Variants in SPAG16 observed in about 807,000 individuals in gnomAD.
SPAG16 encodes the protein sperm-associated antigen 16 protein.
A neutral mutation model predicts 80.4 loss-of-function variants in SPAG16; 86 were observed. The observed-to-expected ratio is 1.07, with a 90% confidence interval of 0.90 to 1.28. SPAG16 has a LOEUF of 1.28. Among genes scored for constraint, SPAG16 ranks in the 50% most tolerant of loss-of-function variants. The probability of loss-of-function intolerance (pLI) is 0.00; values close to 1 mark genes in which losing one functional copy is unlikely to be tolerated. For synonymous variants in SPAG16, 294 were observed against 265.9 expected (o/e 1.11, Z -1.03); for missense variants, 870 against 765.3 (o/e 1.14, Z -1.61).
At chr2:213,632,204 G>T (rs2062183205) in intron 10 of SPAG16, among the ~76,000 whole-genome samples, 1 of 151,662 alleles carries the variant, frequency 6.6e-6, no homozygotes, top group South Asian at 2.1e-4. Context: ...TACTTCTTTG[G>T]TTATCCTAGG....
At chr2:213,875,153 G>A (rs1419818198) in intron 11 of SPAG16, among the ~76,000 whole-genome samples, 1 of 150,932 alleles carries the variant, frequency 6.6e-6, no homozygotes, top group Non-Finnish European at 1.5e-5. Flanking sequence ...TGCCCACGCT[G>A]GTCTCAAACT....
chr2:213,683,093 A>G (rs2064478377), intron 10 of SPAG16, among the ~76,000 whole-genome samples: 1 of 152,240 alleles, frequency 6.6e-6, no homozygotes, highest in South Asian at 2.1e-4. Context: ...GTATTGCAAA[A>G]GAACTCCCTT....
At chr2:214,405,530 T>G in intron 15 of SPAG16, among the ~76,000 whole-genome samples, 1 of 152,322 alleles carries the variant, frequency 6.6e-6, no homozygotes, top group South Asian at 2.1e-4. Context: ...GCACAGTGGC[T>G]CATGCCTGTA....
At chr2:213,907,368 G>A (rs1313966724) in intron 11 of SPAG16, among the ~76,000 whole-genome samples, 2 of 150,606 alleles carry the variant, frequency 1.3e-5, no homozygotes, top group Non-Finnish European at 3.0e-5. Flanking sequence ...TTATCAAAGA[G>A]AACAAAATAA....
chr2:213,741,397 A>T (rs984732571), intron 10 of SPAG16, among the ~76,000 whole-genome samples: 2 of 152,198 alleles, frequency 1.3e-5, no homozygotes, highest in Non-Finnish European at 2.9e-5. Flanking sequence ...AAGTCTGAGT[A>T]TGCTCCATTG....
At chr2:213,527,791 A>G (rs2075940345) in intron 10 of SPAG16, among the ~76,000 whole-genome samples, 1 of 152,208 alleles carries the variant, frequency 6.6e-6, no homozygotes, top group Admixed American at 6.5e-5. Flanking sequence ...ATATACAGAA[A>G]AACATGCAAC....
intron 1 of SPAG16, among the ~76,000 whole-genome samples, chr2:213,286,234 T>A (rs915790108): frequency 1.7e-4 from 26 of 152,338 alleles, no homozygotes; most frequent in African/African-American, 5.3e-4. Flanking sequence ...TTACTAACCG[T>A]TGTGTGAATT....
In SPAG16 at chr2:213,666,993, T is replaced by C. The variant is rs544770321; in HGVS notation, c.1070+176903T>C. 3.2e-4 allele frequency among the ~76,000 whole-genome samples: 48 copies of C among 152,324 alleles called. No individual in the cohort carries two copies. In the East Asian group the frequency reaches 8.1e-3, roughly 26 times the overall value. On this transcript the variant is annotated intron_variant, in intron 10 of 15. Coordinates refer to ENST00000331683, the MANE Select transcript of SPAG16 (RefSeq NM_024532.5). ...CATTTCTATGAAGTCCAGAAATGTATTGATACTCACTTCAAGATCTCTTGC... is the reference window on the plus strand; with the variant it reads ...CATTTCTATGAAGTCCAGAAATGTACTGATACTCACTTCAAGATCTCTTGC...
At chr2:213,525,344 A>G (rs1348985160) in intron 10 of SPAG16, among the ~76,000 whole-genome samples, 2 of 131,684 alleles carry the variant, frequency 1.5e-5, no homozygotes, top group Non-Finnish European at 3.1e-5. Flanking sequence ...GCTGGAGTGC[A>G]GTGGCGCGAT....
chr2:213,363,954 T>C, intron 7 of SPAG16, 122 bp from the exon 8 acceptor site: 1 of 352,304 alleles, frequency 2.8e-6, no homozygotes, highest in Non-Finnish European at 5.1e-6. Context: ...AAAAAAGGTA[T>C]AAATTTAAAA....
intron 9 of SPAG16, among the ~76,000 whole-genome samples, chr2:213,418,558 T>C (rs1246308719): frequency 6.6e-6 from 1 of 152,256 alleles, no homozygotes; most frequent in Non-Finnish European, 1.5e-5. Context: ...TTTTCTCTAC[T>C]GGATCTTGAT....
chr2:214,011,766 T>C (rs2047291607), intron 12 of SPAG16, among the ~76,000 whole-genome samples: 1 of 152,162 alleles, frequency 6.6e-6, no homozygotes, highest in Non-Finnish European at 1.5e-5. Context: ...CAAATACTTA[T>C]TACTGTAATA....
intron 12 of SPAG16, among the ~76,000 whole-genome samples, chr2:214,003,599 T>G (rs981090928): frequency 6.6e-6 from 1 of 152,226 alleles, no homozygotes; most frequent in Non-Finnish European, 1.5e-5. Flanking sequence ...GCAGTTATAT[T>G]CTATAAAGTC....
At chr2:213,657,428 A>G (rs1314400649) in intron 10 of SPAG16, among the ~76,000 whole-genome samples, 1 of 152,204 alleles carries the variant, frequency 6.6e-6, no homozygotes. Context: ...GTGATATTGA[A>G]TATTTGATGC....
chr2:213,589,371 T>C (rs1356432045), intron 10 of SPAG16, among the ~76,000 whole-genome samples: 3 of 152,254 alleles, frequency 2.0e-5, no homozygotes, highest in Admixed American at 6.5e-5. Flanking sequence ...AGGTATTTTA[T>C]TGATAAATGG....
intron 10 of SPAG16, among the ~76,000 whole-genome samples, chr2:213,724,520 GT>G (rs1427295850): frequency 6.6e-6 from 1 of 152,112 alleles, no homozygotes; most frequent in Non-Finnish European, 1.5e-5. Flanking sequence ...GCTCATGCCT[GT>G]AATCCCAGCA....
chr2:214,161,701 G>A (rs1169911721), intron 15 of SPAG16, among the ~76,000 whole-genome samples: 2 of 151,976 alleles, frequency 1.3e-5, no homozygotes, highest in African/African-American at 2.4e-5. Context: ...GGTAGAGAGA[G>A]CATTAGGAAA....
intron 12 of SPAG16, among the ~76,000 whole-genome samples, chr2:213,996,804 G>A (rs1455852797): frequency 2.0e-5 from 3 of 151,942 alleles, no homozygotes; most frequent in Admixed American, 1.3e-4. Context: ...TCCTGACCTC[G>A]TGATCTGCCC....
At chr2:213,846,419 A>G (rs1358745405) in intron 10 of SPAG16, among the ~76,000 whole-genome samples, 1 of 152,104 alleles carries the variant, frequency 6.6e-6, no homozygotes. Context: ...TTTCATTGTA[A>G]TGGAAGTAGC....
Sources: gnomAD v4.1 joint callset for allele counts (sites outside exome capture counted in the v4.1 genomes callset) on GRCh38, gnomAD v4.1.1 for gene constraint, MANE v1.5 for transcripts, NCBI Gene and HGNC (gene_info 2026-07-23, HGNC 2026-07-21) for gene names.